GPM6A: variants seen among roughly 807,000 people sequenced by gnomAD.
The protein encoded by GPM6A is neuronal membrane glycoprotein M6-a.
In GPM6A, 7 loss-of-function variants were observed where a neutral mutation model predicts 32.1. That is an observed-to-expected ratio of 0.22 (90% CI 0.12 to 0.41). The LOEUF is 0.41. GPM6A is among the 10% of genes least tolerant of loss of function. The pLI, the probability that GPM6A is intolerant of heterozygous loss-of-function variation, is 1.00. For synonymous variants in GPM6A, 130 were observed against 123.4 expected (o/e 1.05, Z -0.35); for missense variants, 235 against 347.2 (o/e 0.68, Z 2.57).
At chr4:175,903,719 T>C (rs1738038252) in intron 1 of GPM6A, among the ~76,000 whole-genome samples, 1 of 152,080 alleles carries the variant, frequency 6.6e-6, no homozygotes, top group African/African-American at 2.4e-5. Flanking sequence ...AAAATAAGTG[T>C]CCTATAATTT....
chr4:175,765,886 T>C (rs1446743440), intron 1 of GPM6A, among the ~76,000 whole-genome samples: 1 of 152,160 alleles, frequency 6.6e-6, no homozygotes, highest in Admixed American at 6.6e-5. Flanking sequence ...TGTGTGTGTG[T>C]CCTCCACACA....
At chr4:175,940,155 G>A (rs1419421974) in intron 1 of GPM6A, among the ~76,000 whole-genome samples, 1 of 152,084 alleles carries the variant, frequency 6.6e-6, no homozygotes, top group Non-Finnish European at 1.5e-5. Context: ...TTGGAGTCAG[G>A]GGAGTCATAA....
Position 175,812,180 on chromosome 4 carries a change from T to C in GPM6A, c.37+11A>G. The C allele has an allele frequency of 6.4e-7, 1 of 1,570,458 alleles. No homozygotes were observed. ...TTACTTAGTTACAAATAAACGCTTTTAGCACAGTACCTTTTTGTGTCTGTC... is the reference window on the plus strand; with the variant it reads ...TTACTTAGTTACAAATAAACGCTTTCAGCACAGTACCTTTTTGTGTCTGTC... On this transcript the variant is annotated intron_variant, in intron 1 of 6. Coordinates refer to ENST00000393658, the MANE Select transcript of GPM6A (RefSeq NM_201591.3).
intron 1 of GPM6A, among the ~76,000 whole-genome samples, chr4:175,791,031 C>T (rs1235117769): frequency 1.3e-5 from 2 of 152,008 alleles, no homozygotes; most frequent in African/African-American, 4.8e-5. Context: ...ATAATAAATA[C>T]AATATGAATG....
intron 2 of GPM6A, among the ~76,000 whole-genome samples, chr4:175,699,439 G>A (rs549940908): frequency 2.6e-5 from 4 of 152,168 alleles, no homozygotes; most frequent in Non-Finnish European, 4.4e-5. Context: ...AATGGATAAC[G>A]TCAATTTTTC....
intron 3 of GPM6A, among the ~76,000 whole-genome samples, chr4:175,668,186 ATAG>A (rs1383277602): frequency 6.6e-6 from 1 of 152,102 alleles, no homozygotes; most frequent in African/African-American, 2.4e-5. Context: ...ATGTACTAGC[ATAG>A]TTAATATCTC....
intron 2 of GPM6A, among the ~76,000 whole-genome samples, chr4:175,683,097 A>G (rs1743778498): frequency 6.6e-6 from 1 of 152,204 alleles, no homozygotes; most frequent in Non-Finnish European, 1.5e-5. Flanking sequence ...CTGCAAAGTC[A>G]CAAGGGTAGA....
intron 1 of GPM6A, among the ~76,000 whole-genome samples, chr4:175,902,427 G>A (rs1737996740): frequency 6.6e-6 from 1 of 152,164 alleles, no homozygotes; most frequent in Non-Finnish European, 1.5e-5. Context: ...AGCTTGCATG[G>A]ATGAATGTCA....
intron 1 of GPM6A, among the ~76,000 whole-genome samples, chr4:175,731,319 A>G (rs1731421693): frequency 6.6e-6 from 1 of 152,082 alleles, no homozygotes. Context: ...AGTGCCTGCA[A>G]TGCGCTCCCA....
At chr4:175,685,065 T>C (rs1196512084) in intron 2 of GPM6A, among the ~76,000 whole-genome samples, 2 of 151,930 alleles carry the variant, frequency 1.3e-5, no homozygotes, top group Non-Finnish European at 2.9e-5. Flanking sequence ...TTTTTTTGTA[T>C]TTTTTAGTAG....
chr4:175,638,866 A>G (rs1740966358), intron 6 of GPM6A, among the ~76,000 whole-genome samples: 1 of 152,138 alleles, frequency 6.6e-6, no homozygotes, highest in East Asian at 1.9e-4. Flanking sequence ...CCTAAGGACA[A>G]TAATGTTTGG....
intron 1 of GPM6A, among the ~76,000 whole-genome samples, chr4:175,719,409 A>G (rs1746002920): frequency 6.6e-6 from 1 of 152,132 alleles, no homozygotes; most frequent in South Asian, 2.1e-4. Context: ...CATGTTGGCC[A>G]GGATGGTCTT....
intron 3 of GPM6A, among the ~76,000 whole-genome samples, chr4:175,668,394 C>T (rs1199190266): frequency 6.6e-6 from 1 of 151,864 alleles, no homozygotes; most frequent in Non-Finnish European, 1.5e-5. Context: ...CCCCACCCCC[C>T]AAATCTTCCT....
At chr4:175,655,959 G>A (rs1742060549) in intron 3 of GPM6A, among the ~76,000 whole-genome samples, 1 of 151,940 alleles carries the variant, frequency 6.6e-6, no homozygotes, top group Admixed American at 6.6e-5. Flanking sequence ...ACTTTCAAAG[G>A]GTAGGTATGG....
At chr4:175,669,354 G>C (rs1008302892) in intron 3 of GPM6A, among the ~76,000 whole-genome samples, 3 of 152,132 alleles carry the variant, frequency 2.0e-5, no homozygotes, top group Non-Finnish European at 4.4e-5. Flanking sequence ...AATAAGGGTT[G>C]AAAATCCTTT....
At chr4:175,958,087 TTCAC>T (rs1740046469) in intron 1 of GPM6A, among the ~76,000 whole-genome samples, 1 of 152,162 alleles carries the variant, frequency 6.6e-6, no homozygotes, top group Non-Finnish European at 1.5e-5. Context: ...GAGATGGTGT[TTCAC>T]CATATTGGCC....
intron 1 of GPM6A, 32 bp downstream of exon 1, chr4:175,812,158 CT>C: frequency 1.4e-6 from 2 of 1,459,602 alleles, no homozygotes; most frequent in Non-Finnish European, 1.9e-6. Context: ...AAAATAATTA[CT>C]TAGTTACAAA....
chr4:175,884,962 C>T (rs1026470328), intron 1 of GPM6A, among the ~76,000 whole-genome samples: 4 of 152,130 alleles, frequency 2.6e-5, no homozygotes, highest in African/African-American at 9.7e-5. Flanking sequence ...GCAGAGATAG[C>T]CAATACTAAG....
At chr4:175,839,619 G>T (rs1735876969) in intron 1 of GPM6A, among the ~76,000 whole-genome samples, 1 of 151,708 alleles carries the variant, frequency 6.6e-6, no homozygotes. Flanking sequence ...TTTTTAAAAT[G>T]AGAAAATATA....
Sources: gnomAD v4.1 joint callset for allele counts (sites outside exome capture counted in the v4.1 genomes callset) on GRCh38, gnomAD v4.1.1 for gene constraint, MANE v1.5 for transcripts, NCBI Gene and HGNC (gene_info 2026-07-23, HGNC 2026-07-21) for gene names.